Variants in EPB41L2 observed in about 807,000 individuals in gnomAD.
The protein encoded by EPB41L2 is erythrocyte membrane protein band 4.1 like 2.
Under a neutral mutation model 113.0 loss-of-function variants are expected in EPB41L2, and 43 were observed. The ratio of observed to expected loss-of-function variants is 0.38; its 90% CI spans 0.30 to 0.49. The LOEUF is 0.49. Among genes scored for constraint, EPB41L2 ranks in the 20% least tolerant of loss-of-function variants. The probability of loss-of-function intolerance (pLI) is 0.95; values close to 1 mark genes in which losing one functional copy is unlikely to be tolerated. For missense variants in EPB41L2, 1,147 were observed against 1,223.4 expected (o/e 0.94, Z 0.93); for synonymous variants, 442 against 436.7 (o/e 1.01, Z -0.15).
chr6:130,916,428 G>C (rs2128528090), intron 4 of EPB41L2, among the ~76,000 whole-genome samples: 1 of 151,722 alleles, frequency 6.6e-6, no homozygotes, highest in Non-Finnish European at 1.5e-5. Context: ...AACATCTAGG[G>C]GGAAAAAAAA....
chr6:130,913,079 A>T (rs570798727), intron 4 of EPB41L2, among the ~76,000 whole-genome samples: 2 of 152,222 alleles, frequency 1.3e-5, no homozygotes, highest in South Asian at 4.2e-4. Flanking sequence ...CCAAGGACTA[A>T]CCCTGTGTCC....
intron 12 of EPB41L2, among the ~76,000 whole-genome samples, chr6:130,884,323 G>A (rs963040520): frequency 1.4e-4 from 21 of 152,012 alleles, no homozygotes; most frequent in Admixed American, 5.9e-4. Context: ...CAACAAGAGC[G>A]AAACTTCATC....
At chr6:130,864,939 C>A (rs1783243732) in intron 17 of EPB41L2, among the ~76,000 whole-genome samples, 1 of 152,318 alleles carries the variant, frequency 6.6e-6, no homozygotes, top group African/African-American at 2.4e-5. Flanking sequence ...ATCAGAATCA[C>A]TGGAAGCTTC....
intron 19 of EPB41L2, among the ~76,000 whole-genome samples, chr6:130,847,623 A>G (rs368142738): frequency 2.0e-5 from 3 of 152,362 alleles, no homozygotes; most frequent in African/African-American, 7.2e-5. Flanking sequence ...TTGTTTAAGT[A>G]GAAAAACATC....
intron 9 of EPB41L2, 133 bp downstream of exon 9, chr6:130,894,834 A>G: frequency 9.7e-7 from 1 of 1,029,568 alleles, no homozygotes; most frequent in Non-Finnish European, 1.3e-6. Context: ...ACCATTAAGA[A>G]CCCTGACCTT....
rs574683154 is a variant in EPB41L2, at chr6:131,020,730, T to TG, written c.-15+42424_-15+42425insC. Among the ~76,000 whole-genome samples, 84 of 152,324 alleles carry TG rather than the reference T, an allele frequency of 5.5e-4. 1 individual carries two copies. The South Asian group carries it at 0.017, about 31-fold the overall frequency. ...GTTGCTCAGTTCACTGAGGGGGGTT[T>TG]CCCATGAGTCTTCGGCTCTTCAGCT... On this transcript the variant is annotated intron_variant, in intron 1 of 19. Coordinates refer to ENST00000337057, the MANE Select transcript of EPB41L2 (RefSeq NM_001431.4).
intron 1 of EPB41L2, among the ~76,000 whole-genome samples, chr6:130,993,649 T>A (rs982687000): frequency 6.6e-6 from 1 of 152,082 alleles, no homozygotes; most frequent in African/African-American, 2.4e-5. Flanking sequence ...CGGCCAGCTC[T>A]CTTCCTGCTT....
At chr6:131,048,884 T>C (rs772581744) in intron 1 of EPB41L2, among the ~76,000 whole-genome samples, 8 of 152,086 alleles carry the variant, frequency 5.3e-5, no homozygotes, top group Non-Finnish European at 1.2e-4. Flanking sequence ...AAACATGGCT[T>C]TAAAAAACCT....
At chr6:130,974,949 G>A (rs183072615) in intron 1 of EPB41L2, among the ~76,000 whole-genome samples, 1 of 151,752 alleles carries the variant, frequency 6.6e-6, no homozygotes, top group African/African-American at 2.4e-5. Flanking sequence ...AGGAGAGACG[G>A]GGTTTCACCA....
intron 4 of EPB41L2, among the ~76,000 whole-genome samples, chr6:130,915,429 C>T (rs772452088): frequency 1.3e-5 from 2 of 152,200 alleles, no homozygotes; most frequent in Non-Finnish European, 2.9e-5. Flanking sequence ...CTTAGCATCA[C>T]TGTCAATTAG....
chr6:130,999,517 T>C (rs930143468), intron 1 of EPB41L2, among the ~76,000 whole-genome samples: 4 of 152,360 alleles, frequency 2.6e-5, no homozygotes, highest in Admixed American at 1.3e-4. Flanking sequence ...GGCACATTTG[T>C]AGTAAGAAAT....
chr6:130,910,096 G>C (rs1179729036), intron 4 of EPB41L2, among the ~76,000 whole-genome samples: 1 of 152,050 alleles, frequency 6.6e-6, no homozygotes, highest in Non-Finnish European at 1.5e-5. Context: ...AAAGAACAAA[G>C]CTGGAGGTAT....
intron 18 of EPB41L2, 42 bp from the exon 19 acceptor site, chr6:130,858,285 A>G: frequency 3.9e-6 from 6 of 1,519,700 alleles, no homozygotes; most frequent in Non-Finnish European, 5.4e-6. Flanking sequence ...GCTGGGGAAC[A>G]GCCTCCACCT....
chr6:131,012,806 G>A (rs764119573), intron 1 of EPB41L2, among the ~76,000 whole-genome samples: 8 of 152,060 alleles, frequency 5.3e-5, no homozygotes, highest in Non-Finnish European at 7.4e-5. Context: ...CAGGCATGGC[G>A]GAAGTGCAAC....
At chr6:131,048,155 A>AG (rs568360511) in intron 1 of EPB41L2, among the ~76,000 whole-genome samples, 20,170 of 93,640 alleles carry the variant, frequency 0.22, 2,081 homozygotes, top group East Asian at 0.44. Context: ...AAAAAAAAAA[A>AG]AAGAAAAAAA....
At chr6:130,864,439 A>G (rs757178016) in intron 17 of EPB41L2, among the ~76,000 whole-genome samples, 12 of 152,282 alleles carry the variant, frequency 7.9e-5, no homozygotes, top group Non-Finnish European at 1.0e-4. Context: ...GGCTAGACAA[A>G]GGCTGCGAGC....
intron 1 of EPB41L2, among the ~76,000 whole-genome samples, chr6:130,965,846 G>C (rs1390325461): frequency 2.6e-5 from 4 of 152,056 alleles, no homozygotes; most frequent in African/African-American, 7.2e-5. Context: ...AACTGGTATG[G>C]GCCCAGTGGA....
intron 1 of EPB41L2, among the ~76,000 whole-genome samples, chr6:130,974,717 C>CTTTTTTTTTTTTTTTCTTTTTT (rs1777759073): frequency 1.5e-5 from 1 of 64,642 alleles, no homozygotes; most frequent in Non-Finnish European, 2.7e-5. Flanking sequence ...CTTTTCTTTT[C>CTTTTTTTTTTTTTTTCTTTTTT]TTTTTTTTTT....
At position 130,951,008 on chromosome 6, in the gene EPB41L2, G is replaced by C. The variant is rs141804637; in HGVS notation, c.705+4097C>G. ...AATATTTATTTTTAAAAATTTCAGA[G>C]TGATCATATAAACCTAAATAAAACA... is the stretch of plus-strand genomic sequence containing the variant. On this transcript the variant is annotated intron_variant, in intron 3 of 19. Coordinates refer to ENST00000337057, the MANE Select transcript of EPB41L2 (RefSeq NM_001431.4). Among the ~76,000 whole-genome samples the C allele has an allele frequency of 2.4e-3, 364 of 152,136 alleles. 1 individual carries two copies. Among genetic ancestry groups the C allele is most frequent in the Non-Finnish European group, 2.1e-3 (145 of 67,988 alleles).
Sources: allele counts gnomAD v4.1 joint callset (sites outside exome capture counted in the v4.1 genomes callset), GRCh38; gene constraint gnomAD v4.1.1; transcripts MANE v1.5; gene names NCBI Gene and HGNC (gene_info 2026-07-23, HGNC 2026-07-21).